SLC15A1: variants seen among roughly 807,000 people sequenced by gnomAD.
SLC15A1 encodes Caco-2 oligopeptide transporter.
Under a neutral mutation model 92.9 loss-of-function variants are expected in SLC15A1, and 83 were observed. That is an observed-to-expected ratio of 0.89 (90% CI 0.75 to 1.07). The LOEUF is 1.07. SLC15A1 is among the 50% of genes least tolerant of loss of function. The probability of loss-of-function intolerance (pLI) is 0.00; values close to 1 mark genes in which losing one functional copy is unlikely to be tolerated. For synonymous variants in SLC15A1, 322 were observed against 318.2 expected (o/e 1.01, Z -0.13); for missense variants, 857 against 880.1 (o/e 0.97, Z 0.33).
rs543197693 is a variant in SLC15A1, at chr13:98,686,263, C to T, written c.1862G>A (p.Gly621Glu). 1.2e-6 allele frequency: 2 copies of T among 1,613,310 alleles called. No individual in the cohort carries two copies. Among genetic ancestry groups the T allele is most frequent in the Admixed American group, 3.3e-5 (2 of 59,916 alleles). ...PSNMKSVLQAGWLLTVAVGNI... is the reference protein window; with the variant it reads ...PSNMKSVLQAEWLLTVAVGNI... ...GCCAACAGCCACGGTCAGCAGCCAT[C>T]CTGCCTGAAGCACCGACTTCATGTT... is the stretch of plus-strand genomic sequence containing the variant. Residue 621 changes from glycine to glutamate, a missense_variant, in exon 22 of 23, where the codon GGA becomes GAA. Transcript: ENST00000376503.
chr13:98,726,709 C>T (rs1490956274), intron 2 of SLC15A1, 134 bp downstream of exon 2: 4 of 919,310 alleles, frequency 4.4e-6, no homozygotes, highest in Non-Finnish European at 7.1e-6. Context: ...GAGGACATCT[C>T]ACATGGAAAT....
At chr13:98,699,352 A>G (rs960168677) in intron 18 of SLC15A1, among the ~76,000 whole-genome samples, 2 of 152,190 alleles carry the variant, frequency 1.3e-5, no homozygotes, top group African/African-American at 4.8e-5. Flanking sequence ...ACTCCAGCCC[A>G]GGGTGGGACC....
intron 9 of SLC15A1, among the ~76,000 whole-genome samples, chr13:98,714,517 T>C (rs1055668294): frequency 1.3e-5 from 2 of 151,760 alleles, no homozygotes; most frequent in Non-Finnish European, 2.9e-5. Context: ...TAGCCAGGTG[T>C]GGTGGTGTGT....
At chr13:98,728,991 AAAAAAAAAAAAAAAAC>A (rs1197378703) in intron 1 of SLC15A1, among the ~76,000 whole-genome samples, 5 of 146,682 alleles carry the variant, frequency 3.4e-5, no homozygotes, top group Non-Finnish European at 6.0e-5. Flanking sequence ...AAAAAAAAAA[AAAAAAAAAAAAAAAAC>A]AACAAGCCCC....
intron 18 of SLC15A1, among the ~76,000 whole-genome samples, chr13:98,699,646 G>T (rs2088051795): frequency 6.6e-6 from 1 of 152,184 alleles, no homozygotes; most frequent in Admixed American, 6.5e-5. Context: ...GAGTGGGATG[G>T]CTGGGTCACA....
chr13:98,752,506 C>A (rs1594016576), intron 1 of SLC15A1, 89 bp downstream of exon 1: 2 of 1,187,628 alleles, frequency 1.7e-6, no homozygotes, highest in Non-Finnish European at 2.1e-6. Context: ...CGCCGCGTAC[C>A]CTTCGCGCCT....
At chr13:98,717,786 GGA>G (rs946648568) in intron 8 of SLC15A1, among the ~76,000 whole-genome samples, 22 of 152,146 alleles carry the variant, frequency 1.4e-4, no homozygotes, top group South Asian at 2.1e-4. Flanking sequence ...AACAAAAATT[GGA>G]GAGAGAGACG....
chr13:98,696,442 C>T (rs2088022439), intron 18 of SLC15A1, among the ~76,000 whole-genome samples: 1 of 151,314 alleles, frequency 6.6e-6, no homozygotes, highest in South Asian at 2.1e-4. Context: ...AAAAAAAAAC[C>T]CAACAACAAA....
intron 18 of SLC15A1, among the ~76,000 whole-genome samples, chr13:98,702,255 C>G (rs535225048): frequency 3.2e-3 from 491 of 152,188 alleles, no homozygotes; most frequent in Non-Finnish European, 5.7e-3. Context: ...TTATCAAATG[C>G]TTTTTTTAAT....
In SLC15A1 at chr13:98,709,813, T is replaced by C. The variant is rs1477569349; in HGVS notation, c.946-39A>G. On this transcript the variant is annotated intron_variant, in intron 12 of 22. Coordinates refer to ENST00000376503, the MANE Select transcript of SLC15A1 (RefSeq NM_005073.4). ...AAAACAATCTCAGTGAAAAATGTCA[T>C]GAAAGGGAAGAAGAAAGGGGACAAA... The C allele has an allele frequency of 1.9e-6, 3 of 1,614,082 alleles. No homozygotes were observed. The African/African-American group carries it at 4.0e-5, about 22-fold the overall frequency.
chr13:98,711,971 T>C (rs752028379), intron 10 of SLC15A1, 28 bp from the exon 11 acceptor site: 5 of 1,530,836 alleles, frequency 3.3e-6, no homozygotes, highest in Non-Finnish European at 2.7e-6. Context: ...AAGGGACAAA[T>C]CAGCCACACC....
intron 18 of SLC15A1, among the ~76,000 whole-genome samples, chr13:98,689,194 C>A (rs1452325890): frequency 6.6e-6 from 1 of 152,224 alleles, no homozygotes; most frequent in South Asian, 2.1e-4. Context: ...CCCACCTCGG[C>A]CTCCCAAAGT....
intron 1 of SLC15A1, among the ~76,000 whole-genome samples, chr13:98,751,381 G>C (rs904477387): frequency 1.3e-5 from 2 of 152,102 alleles, no homozygotes; most frequent in African/African-American, 2.4e-5. Context: ...TGCTAAACAC[G>C]GGTCATAAAT....
intron 10 of SLC15A1, 132 bp from the exon 11 acceptor site, chr13:98,712,075 C>A: frequency 1.5e-6 from 1 of 648,452 alleles, no homozygotes; most frequent in Non-Finnish European, 2.7e-6. Flanking sequence ...GGTGATTAAT[C>A]CAAAACATAC....
chr13:98,714,653 C>CAAA lies in SLC15A1; in HGVS notation c.723+1222_723+1224dup, dbSNP rs11378347. Among the ~76,000 whole-genome samples the CAAA allele has an allele frequency of 1.9e-3, 181 of 94,236 alleles. 3 individuals are homozygous for CAAA. The highest frequency in any genetic ancestry group is 6.8e-3 in the Middle Eastern group (1 of 146). 61.8% of individuals were successfully genotyped at this position (94,236 alleles called of 152,430 possible). ...TGGGCGACAGAGCAAGACTCCATCT[C>CAAA]AAAAAAAAAAAAAAAAAAAGAAATG... On this transcript the variant is annotated intron_variant, in intron 9 of 22. Coordinates refer to ENST00000376503, the MANE Select transcript of SLC15A1 (RefSeq NM_005073.4).
chr13:98,722,667 A>G (rs531531366), intron 5 of SLC15A1, among the ~76,000 whole-genome samples: 1 of 152,358 alleles, frequency 6.6e-6, no homozygotes, highest in South Asian at 2.1e-4. Context: ...GCACAGGTAA[A>G]GAATTCTTTA....
chr13:98,707,646 T>C (rs1259738903), intron 15 of SLC15A1, among the ~76,000 whole-genome samples: 2 of 152,166 alleles, frequency 1.3e-5, no homozygotes, highest in Non-Finnish European at 2.9e-5. Context: ...TGGGGGCTCA[T>C]GCCTGTAATG....
At chr13:98,694,455 T>C (rs2088005935) in intron 18 of SLC15A1, among the ~76,000 whole-genome samples, 1 of 152,226 alleles carries the variant, frequency 6.6e-6, no homozygotes, top group South Asian at 2.1e-4. Flanking sequence ...GTACATTAAT[T>C]TGATGCAGTT....
intron 18 of SLC15A1, among the ~76,000 whole-genome samples, chr13:98,692,411 C>T (rs1312670278): frequency 6.6e-6 from 1 of 151,940 alleles, no homozygotes. Context: ...CTCCTGCCTC[C>T]ACCTCCCAAA....
Sources: gnomAD v4.1 joint callset for allele counts (sites outside exome capture counted in the v4.1 genomes callset) on GRCh38, gnomAD v4.1.1 for gene constraint, MANE v1.5 for transcripts, NCBI Gene and HGNC (gene_info 2026-07-23, HGNC 2026-07-21) for gene names.